The following HDAC9 variants were observed in gnomAD, a reference collection of about 807,000 sequenced individuals.
The protein encoded by HDAC9 is histone deacetylase 9.
HDAC9 carries 41 observed loss-of-function variants against 139.4 expected under a neutral mutation model. That is an observed-to-expected ratio of 0.29 (90% CI 0.23 to 0.38). The LOEUF (loss-of-function observed/expected upper bound fraction) is 0.38, where lower values mean the gene tolerates loss of function less well. Among genes scored for constraint, HDAC9 ranks in the 10% least tolerant of loss-of-function variants. The probability of loss-of-function intolerance (pLI) is 1.00; values close to 1 mark genes in which losing one functional copy is unlikely to be tolerated. For synonymous variants in HDAC9, 517 were observed against 476.2 expected (o/e 1.09, Z -1.12); for missense variants, 1,147 against 1,297.0 (o/e 0.88, Z 1.78).
At chr7:18,944,239 T>A (rs947901666) in intron 23 of HDAC9, among the ~76,000 whole-genome samples, 20 of 152,176 alleles carry the variant, frequency 1.3e-4, no homozygotes, top group African/African-American at 4.8e-4. Context: ...CTTGTCCTCT[T>A]GGTCTTGATT....
intron 2 of HDAC9, among the ~76,000 whole-genome samples, chr7:18,267,795 C>CATTTA (rs1796096188): frequency 6.6e-6 from 1 of 152,072 alleles, no homozygotes; most frequent in Non-Finnish European, 1.5e-5. Flanking sequence ...TACTTCATTT[C>CATTTA]CTTTTGATAC....
intron 1 of HDAC9, among the ~76,000 whole-genome samples, chr7:18,353,232 G>A (rs536195307): frequency 1.1e-3 from 166 of 152,044 alleles, no homozygotes; most frequent in South Asian, 1.5e-3. Context: ...GTAAGACATG[G>A]GATATTTGAT....
intron 1 of HDAC9, among the ~76,000 whole-genome samples, chr7:18,367,838 A>G (rs996599470): frequency 6.6e-6 from 1 of 152,104 alleles, no homozygotes; most frequent in African/African-American, 2.4e-5. Context: ...CATGTTTCCC[A>G]ACACTTGTAT....
chr7:18,772,005 A>C (rs1019890967), intron 16 of HDAC9, among the ~76,000 whole-genome samples: 5 of 152,266 alleles, frequency 3.3e-5, no homozygotes, highest in African/African-American at 1.2e-4. Flanking sequence ...ACGAATGAGC[A>C]ATGAGACAAG....
At chr7:18,988,169 G>T (rs1436457313) in intron 25 of HDAC9, among the ~76,000 whole-genome samples, 1 of 151,866 alleles carries the variant, frequency 6.6e-6, no homozygotes, top group African/African-American at 2.4e-5. Context: ...TGTCAATTTT[G>T]GATCTTTCCT....
At chr7:18,628,122 G>T (rs1842178405) in intron 6 of HDAC9, among the ~76,000 whole-genome samples, 1 of 152,072 alleles carries the variant, frequency 6.6e-6, no homozygotes. Context: ...CATTGTGTCT[G>T]CTCTAGATGA....
At chr7:18,962,523 T>A (rs1311420545) in intron 24 of HDAC9, among the ~76,000 whole-genome samples, 1 of 152,154 alleles carries the variant, frequency 6.6e-6, no homozygotes, top group African/African-American at 2.4e-5. Context: ...TATTTTTTAT[T>A]CCAACTGCGT....
chr7:18,337,387 A>T (rs1313186607), intron 1 of HDAC9, among the ~76,000 whole-genome samples: 1 of 151,720 alleles, frequency 6.6e-6, no homozygotes, highest in Non-Finnish European at 1.5e-5. Flanking sequence ...TAAATCAACT[A>T]CATGGTTTCA....
chr7:18,620,668 T>C (rs1164531084), intron 6 of HDAC9, among the ~76,000 whole-genome samples: 1 of 152,150 alleles, frequency 6.6e-6, no homozygotes, highest in Non-Finnish European at 1.5e-5. Flanking sequence ...AAAGTGCTGC[T>C]CTTAGAGGGA....
At chr7:18,555,951 A>G (rs1454843111) in intron 2 of HDAC9, among the ~76,000 whole-genome samples, 1 of 152,066 alleles carries the variant, frequency 6.6e-6, no homozygotes, top group Non-Finnish European at 1.5e-5. Context: ...CTACACTCCA[A>G]AAGTAGATCT....
At chr7:18,962,439 G>T (rs963193382) in intron 24 of HDAC9, among the ~76,000 whole-genome samples, 1 of 152,016 alleles carries the variant, frequency 6.6e-6, no homozygotes, top group Non-Finnish European at 1.5e-5. Context: ...TGTGTTGGTG[G>T]CGCCCTAATA....
intron 9 of HDAC9, 52 bp from the exon 10 acceptor site, chr7:18,647,733 G>T: frequency 6.9e-7 from 1 of 1,451,310 alleles, no homozygotes; most frequent in South Asian, 1.3e-5. Flanking sequence ...TAGAGACCCA[G>T]TGACCCACAT....
At chr7:18,389,541 A>G (rs754700584) in intron 1 of HDAC9, among the ~76,000 whole-genome samples, 9 of 152,168 alleles carry the variant, frequency 5.9e-5, no homozygotes, top group South Asian at 2.1e-4. Flanking sequence ...TGTTACTTCT[A>G]CTCACATTCT....
chr7:18,291,900 G>A lies in HDAC9; in HGVS notation c.-42+1385G>A, dbSNP rs376949444. Among the ~76,000 whole-genome samples, 10 of 152,218 alleles carry A rather than the reference G, an allele frequency of 6.6e-5. No homozygotes were observed. The East Asian group carries it at 1.7e-3, about 27-fold the overall frequency. Reference sequence around the variant, plus strand: ...CATGGGCTTCATGGACTCCTCTAATGTCTGTTTGGAGGGGCGCTGCAGTTG... The same window carrying A: ...CATGGGCTTCATGGACTCCTCTAATATCTGTTTGGAGGGGCGCTGCAGTTG... On this transcript the variant is annotated intron_variant, in intron 1 of 3. Coordinates refer to the HDAC9 transcript ENST00000413509.
At chr7:18,374,453 A>G (rs777592540) in intron 1 of HDAC9, among the ~76,000 whole-genome samples, 12 of 152,090 alleles carry the variant, frequency 7.9e-5, no homozygotes, top group Non-Finnish European at 1.5e-4. Context: ...GCTATATGGT[A>G]TAGTCTGTTG....
chr7:18,866,496 G>A (rs73320031), intron 21 of HDAC9, among the ~76,000 whole-genome samples: 3,275 of 152,116 alleles, frequency 0.022, 130 homozygotes, highest in African/African-American at 0.073. Flanking sequence ...CTGTCCCTCA[G>A]TACACTGTGT....
At chr7:18,491,552 G>A (rs1488115006), upstream of HDAC9, among the ~76,000 whole-genome samples, 1 of 151,862 alleles carries the variant, frequency 6.6e-6, no homozygotes, top group Non-Finnish European at 1.5e-5. Flanking sequence ...TCAACAACAC[G>A]CATATAGTTA....
At chr7:18,708,808 G>A (rs1784128522) in intron 12 of HDAC9, among the ~76,000 whole-genome samples, 1 of 152,086 alleles carries the variant, frequency 6.6e-6, no homozygotes, top group Non-Finnish European at 1.5e-5. Context: ...CTACTGGACT[G>A]TGAAAACACA....
chr7:18,579,932 C>T (rs1827258152), intron 2 of HDAC9, among the ~76,000 whole-genome samples: 1 of 152,194 alleles, frequency 6.6e-6, no homozygotes. Flanking sequence ...AAGTTGTTTA[C>T]TTAAAACATT....
Sources: gnomAD v4.1 joint callset for allele counts (sites outside exome capture counted in the v4.1 genomes callset) on GRCh38, gnomAD v4.1.1 for gene constraint, MANE v1.5 for transcripts, NCBI Gene and HGNC (gene_info 2026-07-23, HGNC 2026-07-21) for gene names.